Variants in GALNS observed in about 807,000 individuals in gnomAD.
GALNS encodes galactosamine (N-acetyl)-6-sulfatase, also known as N-acetylgalactosamine-6-sulfatase.
In GALNS, 65 loss-of-function variants were observed where a neutral mutation model predicts 65.9. The ratio of observed to expected loss-of-function variants is 0.99; its 90% CI spans 0.81 to 1.21. GALNS has a LOEUF of 1.21. Among genes scored for constraint, GALNS ranks in the 50% most tolerant of loss-of-function variants. The pLI, the probability that GALNS is intolerant of heterozygous loss-of-function variation, is 0.00. For synonymous variants in GALNS, 346 were observed against 288.9 expected, an observed-to-expected ratio of 1.20 and a Z score of -2.00; for missense variants, 776 against 700.7, an observed-to-expected ratio of 1.11 and a Z score of -1.21.
intron 1 of GALNS, chr16:88,845,473 G>A (rs1042354726): frequency 3.5e-4 from 53 of 152,322 alleles, no homozygotes; most frequent in African/African-American, 1.2e-3. Context: ...ATGGGGCTGG[G>A]TGCGGTGGCT....
chr16:88,814,396 G>T lies in GALNS; in HGVS notation c.*43C>A. The T allele has an allele frequency of 6.5e-7, 1 of 1,549,754 alleles. No individual in the cohort carries two copies. Among genetic ancestry groups the T allele is most frequent in the Non-Finnish European group, 8.7e-7 (1 of 1,147,002 alleles). ...CCATCCTTCCTCCAGGCACTTGCAG[G>T]GCCAACCGGAGATTCTAGGCCTGGC... On this transcript the variant is annotated 3_prime_UTR_variant, in exon 14 of 14. Transcript: ENST00000268695.
chr16:88,845,492 T>C (rs1456655501), intron 1 of GALNS: 1 of 152,182 alleles, frequency 6.6e-6, no homozygotes, highest in Non-Finnish European at 1.5e-5. Context: ...CTCACGCCTG[T>C]AATCCTAGTA....
chr16:88,844,392 AAGG>A (rs1265140172), intron 1 of GALNS: 2 of 152,232 alleles, frequency 1.3e-5, no homozygotes, highest in African/African-American at 2.4e-5. Flanking sequence ...TTTGCTCTAG[AAGG>A]AGAAGGGGAG....
chr16:88,856,175 T>C, intron 1 of GALNS: 1 of 702,928 alleles, frequency 1.4e-6, no homozygotes, highest in South Asian at 1.5e-5. Context: ...CATTCCAGCC[T>C]TTCAGTTCTT....
chr16:88,820,833 G>A (rs1910133314), intron 12 of GALNS, among the ~76,000 whole-genome samples: 2 of 152,250 alleles, frequency 1.3e-5, no homozygotes, highest in African/African-American at 2.4e-5. Context: ...TCCCTGGAGC[G>A]ACCAGCCTGT....
intron 4 of GALNS, among the ~76,000 whole-genome samples, chr16:88,839,758 GTCCCC>G (rs1454930269): frequency 6.6e-6 from 1 of 152,210 alleles, no homozygotes; most frequent in Admixed American, 6.5e-5. Flanking sequence ...ACTCCTTGGG[GTCCCC>G]TCTCTCCCGT....
chr16:88,831,860 G>A (rs1487555541), intron 9 of GALNS, 138 bp downstream of exon 9: 3 of 738,194 alleles, frequency 4.1e-6, no homozygotes, highest in African/African-American at 1.7e-5. Context: ...TGGAGGCTGA[G>A]CACAGGGTGC....
intron 10 of GALNS, among the ~76,000 whole-genome samples, chr16:88,826,381 CA>C (rs1178221207): frequency 3.5e-5 from 4 of 114,118 alleles, no homozygotes; most frequent in African/African-American, 1.0e-4. Context: ...AGGCAGGGAA[CA>C]GGGGTGGGGC....
chr16:88,823,535 C>CG (rs1910476904), intron 11 of GALNS, among the ~76,000 whole-genome samples: 1 of 119,230 alleles, frequency 8.4e-6, no homozygotes, highest in African/African-American at 3.2e-5. Context: ...GCGGCAATGC[C>CG]GGGGACCGAT....
At position 88,831,714 on chromosome 16, in the gene GALNS, AGAG is replaced by A. The variant is rs1911511059; in HGVS notation, c.1002+281_1002+283del. 5.2e-3 allele frequency among the ~76,000 whole-genome samples: 9 copies of A among 1,736 alleles called. 2 individuals are homozygous for A. The highest frequency in any genetic ancestry group is 0.031 in the African/African-American group (7 of 226). The allele number at this position is 1,736 out of a possible 152,430, so 1.1% of individuals were successfully genotyped here. On this transcript the variant is annotated intron_variant, in intron 9 of 13. Coordinates refer to ENST00000268695, the MANE Select transcript of GALNS (RefSeq NM_000512.5). ...GCCGAGCACGGGGTGCGTGGGGAGG[AGAG>A]CGGTGAGGCCGAGCACGGGGTGCGT...
chr16:88,827,337 G>T (rs1187597891), intron 9 of GALNS, among the ~76,000 whole-genome samples: 1 of 152,184 alleles, frequency 6.6e-6, no homozygotes, highest in Non-Finnish European at 1.5e-5. Flanking sequence ...ACAGGCAGGA[G>T]GCTGTCTTTC....
intron 1 of GALNS, among the ~76,000 whole-genome samples, chr16:88,847,714 A>G (rs1281112447): frequency 6.6e-6 from 1 of 152,252 alleles, no homozygotes; most frequent in Non-Finnish European, 1.5e-5. Context: ...AAACAAAACA[A>G]AACATTAAAA....
chr16:88,826,517 C>T (rs568934444), intron 10 of GALNS, among the ~76,000 whole-genome samples, 185 bp downstream of exon 10: 1 of 152,276 alleles, frequency 6.6e-6, no homozygotes, highest in East Asian at 1.9e-4. Flanking sequence ...AGGATGGCCC[C>T]TGCCCCACAG....
intron 1 of GALNS, chr16:88,844,388 C>G (rs1967138672): frequency 6.6e-6 from 1 of 152,240 alleles, no homozygotes; most frequent in Non-Finnish European, 1.5e-5. Context: ...GGACTTTGCT[C>G]TAGAAGGAGA....
At chr16:88,841,845 C>A (rs937832575) in intron 3 of GALNS, 52 bp downstream of exon 3, 2 of 1,540,284 alleles carry the variant, frequency 1.3e-6, no homozygotes, top group Admixed American at 3.6e-5. Flanking sequence ...CCGTAGCCCA[C>A]CTGCCCAACC....
intron 1 of GALNS, chr16:88,854,986 CCCA>C (rs1967718601): frequency 3.0e-6 from 1 of 338,240 alleles, no homozygotes; most frequent in South Asian, 2.3e-5. Context: ...GTCACCCTCC[CCCA>C]CATGTGCCCC....
At chr16:88,853,872 G>A (rs1229386084) in intron 1 of GALNS, among the ~76,000 whole-genome samples, 1 of 152,190 alleles carries the variant, frequency 6.6e-6, no homozygotes, top group East Asian at 1.9e-4. Flanking sequence ...CTTGCCAGCT[G>A]CTCTCACCCC....
At chr16:88,816,403 T>C (rs1004605568) in intron 13 of GALNS, 3 of 985,294 alleles carry the variant, frequency 3.0e-6, no homozygotes, top group Admixed American at 1.2e-4. Flanking sequence ...TCAGGGGTCC[T>C]GAGACAGGGA....
intron 1 of GALNS, chr16:88,843,375 G>C (rs550057237): frequency 2.2e-6 from 1 of 457,732 alleles, no homozygotes; most frequent in Non-Finnish European, 3.8e-6. Flanking sequence ...ACGCAGGCCT[G>C]CATACGAGCG....
Sources: allele counts gnomAD v4.1 joint callset (sites outside exome capture counted in the v4.1 genomes callset), GRCh38; gene constraint gnomAD v4.1.1; transcripts MANE v1.5; gene names NCBI Gene and HGNC (gene_info 2026-07-23, HGNC 2026-07-21).